The following HSPB8 variants were observed in gnomAD, a reference collection of about 807,000 sequenced individuals.
HSPB8 encodes heat shock protein beta-8.
HSPB8 carries 9 observed loss-of-function variants against 16.5 expected under a neutral mutation model. That is an observed-to-expected ratio of 0.55 (90% confidence interval 0.33 to 0.95). HSPB8 has a LOEUF of 0.95. Ranked by LOEUF, HSPB8 falls within the 40% of genes least tolerant of loss-of-function variation. The pLI is 0.03. For missense variants in HSPB8, 238 were observed against 251.2 expected (o/e 0.95, Z 0.35); for synonymous variants, 99 against 94.8 (o/e 1.04, Z -0.26).
chr12:119,182,494 C>T (rs1037749619), intron 1 of HSPB8, among the ~76,000 whole-genome samples: 42 of 151,772 alleles, frequency 2.8e-4, no homozygotes, highest in Admixed American at 8.5e-4. Context: ...AAAAATTAGC[C>T]GGGTGTGGTG....
At position 119,178,955 on chromosome 12, in the gene HSPB8, C is replaced by T. The variant is rs1228846915; in HGVS notation, c.-358C>T. On this transcript the variant is annotated 5_prime_UTR_variant, in exon 1 of 3. Coordinates refer to ENST00000281938, the MANE Select transcript of HSPB8 (RefSeq NM_014365.3). ...CAGAAGAAGTTTCTAGGCGCGCGTG[C>T]CCTGGGTTTATTAAGCTCCTGGCTC... The T allele has an allele frequency of 2.2e-5, 8 of 363,210 alleles. No homozygotes were observed. The East Asian group carries it at 2.6e-4, about 12-fold the overall frequency. The allele number at this position is 363,210 out of a possible 1,614,324, so 22.5% of individuals were successfully genotyped here.
In HSPB8 at chr12:119,179,556, C is replaced by A. The variant is rs756519750; in HGVS notation, c.244C>A (p.Pro82Thr). Residue 82 changes from proline (P) to threonine (T), a missense_variant, in exon 1 of 3, where the codon CCT becomes ACT. By Grantham distance (38) the Pro-to-Thr change is conservative. Transcript: ENST00000281938. ...GPTATARFGV[P>T]AEGRTPPPFP... ...CACTGCCACCGCCAGGTTTGGGGTGCCTGCCGAGGGCAGGACCCCCCCACC... is the reference window on the plus strand; with the variant it reads ...CACTGCCACCGCCAGGTTTGGGGTGACTGCCGAGGGCAGGACCCCCCCACC... 3.1e-6 allele frequency: 5 copies of A among 1,613,386 alleles called. No individual in the cohort carries two copies. Among genetic ancestry groups the A allele is most frequent in the Non-Finnish European group, 4.2e-6 (5 of 1,179,660 alleles).
intron 1 of HSPB8, among the ~76,000 whole-genome samples, chr12:119,184,913 G>A (rs148104973): frequency 6.6e-6 from 1 of 152,150 alleles, no homozygotes; most frequent in East Asian, 1.9e-4. Context: ...AAGAATATTT[G>A]GTAATATGGA....
intron 2 of HSPB8, 33 bp from the exon 3 acceptor site, chr12:119,193,666 C>A (rs374819943): frequency 3.1e-6 from 5 of 1,609,862 alleles, no homozygotes; most frequent in Non-Finnish European, 4.3e-6. Context: ...ATATTAACAA[C>A]AATAAATGAA....
Position 119,194,061 on chromosome 12 carries a change from T to A in HSPB8, c.*203T>A. Reference sequence around the variant, plus strand: ...GCAATTGGCAAATCATGCTTGGTTGTGTTAGGCCAAAATACTAGTTTTGCT... The same window carrying A: ...GCAATTGGCAAATCATGCTTGGTTGAGTTAGGCCAAAATACTAGTTTTGCT... On this transcript the variant is annotated 3_prime_UTR_variant, in exon 3 of 3. Coordinates refer to ENST00000281938, the MANE Select transcript of HSPB8 (RefSeq NM_014365.3). 2 of 631,834 alleles carry A rather than the reference T, an allele frequency of 3.2e-6. No individual in the cohort carries two copies. Among genetic ancestry groups the A allele is most frequent in the Non-Finnish European group, 5.6e-6 (2 of 356,014 alleles). The allele number at this position is 631,834 out of a possible 1,614,324, so 39.1% of individuals were successfully genotyped here. A position where few individuals can be genotyped will look rare whatever the true frequency, so the allele number is the denominator to read the frequency against.
chr12:119,190,914 C>A (rs1041547866), intron 2 of HSPB8, among the ~76,000 whole-genome samples: 2 of 152,332 alleles, frequency 1.3e-5, no homozygotes, highest in Admixed American at 1.3e-4. Flanking sequence ...TGAAAGAGAA[C>A]TGAAGAGGAA....
chr12:119,188,245 CTCTT>C (rs1954689616), intron 2 of HSPB8, among the ~76,000 whole-genome samples: 4 of 94,118 alleles, frequency 4.2e-5, no homozygotes, highest in African/African-American at 1.3e-4. Context: ...CTCTCTCTCT[CTCTT>C]TTTTTTTTTT....
At chr12:119,180,308 A>C (rs1041170961) in intron 1 of HSPB8, among the ~76,000 whole-genome samples, 3 of 152,204 alleles carry the variant, frequency 2.0e-5, no homozygotes, top group Non-Finnish European at 4.4e-5. Context: ...GAGGAAACTG[A>C]GGCACGGAGA....
At chr12:119,191,124 C>A (rs1954709469) in intron 2 of HSPB8, among the ~76,000 whole-genome samples, 1 of 152,148 alleles carries the variant, frequency 6.6e-6, no homozygotes, top group Non-Finnish European at 1.5e-5. Flanking sequence ...TGTCAAGATG[C>A]CAACATGTAA....
At position 119,189,669 on chromosome 12, in the gene HSPB8, G is replaced by A. The variant is rs543196685; in HGVS notation, c.431+2581G>A. On this transcript the variant is annotated intron_variant, in intron 2 of 2. Coordinates refer to ENST00000281938, the MANE Select transcript of HSPB8 (RefSeq NM_014365.3). ...TGCCACTGCTGATCTGACAGGAGGCGGAGCTCAGGCAGTAATGCTGGCTGA... is the reference window on the plus strand; with the variant it reads ...TGCCACTGCTGATCTGACAGGAGGCAGAGCTCAGGCAGTAATGCTGGCTGA... 8.5e-5 allele frequency among the ~76,000 whole-genome samples: 13 copies of A among 152,260 alleles called. No homozygotes were observed. The South Asian group carries it at 1.0e-3, about 12-fold the overall frequency.
intron 2 of HSPB8, among the ~76,000 whole-genome samples, chr12:119,191,988 A>G (rs1016471573): frequency 3.9e-5 from 6 of 152,194 alleles, no homozygotes; most frequent in African/African-American, 1.4e-4. Flanking sequence ...CACCAAAATG[A>G]TATGATTCAG....
In HSPB8 at chr12:119,179,387, C is replaced by T. The variant is rs1157405041; in HGVS notation, c.75C>T (p.Pro25=). ...GCCGAGACCCCTTCCGGGACTCTCCCCTCTCCTCTCGCCTGCTGGATGATG... is the reference window on the plus strand; with the variant it reads ...GCCGAGACCCCTTCCGGGACTCTCCTCTCTCCTCTCGCCTGCTGGATGATG... ...RLRRDPFRDS[P]LSSRLLDDGF... Residue 25 remains proline, a synonymous_variant, in exon 1 of 3, where the codon CCC becomes CCT. Transcript: ENST00000281938. 2 of 1,614,140 alleles carry T rather than the reference C, an allele frequency of 1.2e-6. No homozygotes were observed. The highest frequency in any genetic ancestry group is 2.2e-5 in the East Asian group (1 of 44,852).
At chr12:119,183,534 G>A (rs1392228981) in intron 1 of HSPB8, among the ~76,000 whole-genome samples, 1 of 152,172 alleles carries the variant, frequency 6.6e-6, no homozygotes, top group Non-Finnish European at 1.5e-5. Flanking sequence ...ATGTCTGCAA[G>A]GGGTTTCTGA....
At chr12:119,192,756 G>GAT (rs1336898076) in intron 2 of HSPB8, among the ~76,000 whole-genome samples, 3 of 152,072 alleles carry the variant, frequency 2.0e-5, no homozygotes, top group Non-Finnish European at 2.9e-5. Flanking sequence ...CTACATAATT[G>GAT]ATATATATAT....
intron 2 of HSPB8, among the ~76,000 whole-genome samples, chr12:119,193,028 A>G (rs1191618529): frequency 2.0e-5 from 3 of 152,198 alleles, no homozygotes; most frequent in Non-Finnish European, 4.4e-5. Flanking sequence ...GGGAGCTACA[A>G]TTCAATATGA....
chr12:119,188,759 G>T (rs375189841), intron 2 of HSPB8, among the ~76,000 whole-genome samples: 5 of 152,204 alleles, frequency 3.3e-5, no homozygotes, highest in African/African-American at 1.2e-4. Context: ...AAGGAATGCT[G>T]TTTCCTCATC....
chr12:119,183,971 G>A (rs1954655904), intron 1 of HSPB8, among the ~76,000 whole-genome samples: 2 of 152,190 alleles, frequency 1.3e-5, no homozygotes, highest in African/African-American at 2.4e-5. Flanking sequence ...TCTGTGACTC[G>A]CTTTCATTTG....
At chr12:119,185,397 G>A (rs1350906370) in intron 1 of HSPB8, among the ~76,000 whole-genome samples, 8 of 152,054 alleles carry the variant, frequency 5.3e-5, no homozygotes, top group South Asian at 4.2e-4. Flanking sequence ...GCAGTGGCGC[G>A]ATCTCGCCTC....
chr12:119,185,553 C>T (rs1225752652), intron 1 of HSPB8, among the ~76,000 whole-genome samples: 8 of 152,174 alleles, frequency 5.3e-5, no homozygotes, highest in Admixed American at 1.3e-4. Flanking sequence ...AGGAAGGTCT[C>T]GATCTCTTGA....
Sources: allele counts gnomAD v4.1 joint callset (sites outside exome capture counted in the v4.1 genomes callset), GRCh38; gene constraint gnomAD v4.1.1; transcripts MANE v1.5; gene names NCBI Gene and HGNC (gene_info 2026-07-23, HGNC 2026-07-21).